The following RASSF8 variants were observed in gnomAD, a reference collection of about 807,000 sequenced individuals.
RASSF8 encodes the protein Ras association domain family member 8.
A neutral mutation model predicts 48.5 loss-of-function variants in RASSF8; 22 were observed. The ratio of observed to expected loss-of-function variants is 0.45; its 90% CI spans 0.32 to 0.65. The LOEUF (loss-of-function observed/expected upper bound fraction) is 0.65. Among genes scored for constraint, RASSF8 ranks in the 30% least tolerant of loss-of-function variants. RASSF8 has a pLI of 0.03. For synonymous variants in RASSF8, 127 were observed against 171.5 expected (o/e 0.74, Z 2.03); for missense variants, 418 against 489.2 (o/e 0.85, Z 1.37).
chr12:25,996,446 G>T (rs2136964404), intron 2 of RASSF8, among the ~76,000 whole-genome samples: 1 of 152,236 alleles, frequency 6.6e-6, no homozygotes, highest in Non-Finnish European at 1.5e-5. Context: ...TATACCAAGA[G>T]GAACTGTGGT....
At chr12:25,984,152 T>C (rs1467688718) in intron 1 of RASSF8, among the ~76,000 whole-genome samples, 1 of 151,728 alleles carries the variant, frequency 6.6e-6, no homozygotes, top group East Asian at 1.9e-4. Flanking sequence ...CCTCTAACTC[T>C]TGGACTCGAG....
intron 2 of RASSF8, among the ~76,000 whole-genome samples, chr12:26,035,098 AGTAAG>A (rs1238625994): frequency 6.6e-6 from 1 of 152,070 alleles, no homozygotes; most frequent in Non-Finnish European, 1.5e-5. Flanking sequence ...AATCCCTAGA[AGTAAG>A]GTTAGTTAAT....
intron 2 of RASSF8, among the ~76,000 whole-genome samples, chr12:26,016,308 T>C (rs960165424): frequency 1.3e-5 from 2 of 152,138 alleles, no homozygotes; most frequent in Admixed American, 6.6e-5. Flanking sequence ...CCAGTGCTTT[T>C]GCTTTGCTGT....
chr12:26,002,558 G>C (rs1533244), intron 2 of RASSF8, among the ~76,000 whole-genome samples: 1 of 152,040 alleles, frequency 6.6e-6, no homozygotes, highest in African/African-American at 2.4e-5. Context: ...GGCAGATCAC[G>C]AGGTCAGGAG....
intron 2 of RASSF8, among the ~76,000 whole-genome samples, chr12:26,036,639 G>C (rs1943157034): frequency 6.6e-6 from 1 of 152,008 alleles, no homozygotes; most frequent in African/African-American, 2.4e-5. Context: ...CGAGCGCAGT[G>C]GCTCACGCCT....
At chr12:26,068,354 C>T (rs1943925899) in intron 5 of RASSF8, among the ~76,000 whole-genome samples, 1 of 151,978 alleles carries the variant, frequency 6.6e-6, no homozygotes, top group Non-Finnish European at 1.5e-5. Context: ...GTTCCTTATG[C>T]CCCCCTTTTC....
Position 26,055,264 on chromosome 12 carries a change from T to TC in RASSF8, c.-78dup, listed in dbSNP as rs531316280. ...ACTACACAGACTTAGTCTTCTCCAC[T>TC]CCGTGTTCCTGCAGCTAGAGACATG... On this transcript the variant is annotated 5_prime_UTR_variant, in exon 3 of 6. Coordinates refer to ENST00000689635, the MANE Select transcript of RASSF8 (RefSeq NM_001394098.1). The TC allele has an allele frequency of 4.9e-5, 56 of 1,147,388 alleles. No individual in the cohort carries two copies. Among genetic ancestry groups the TC allele is most frequent in the Middle Eastern group, 4.0e-4 (2 of 5,054 alleles). The allele number at this position is 1,147,388 out of a possible 1,614,324, so 71.1% of individuals were successfully genotyped here. A position where few individuals can be genotyped will look rare whatever the true frequency, so the allele number is the denominator to read the frequency against.
intron 2 of RASSF8, among the ~76,000 whole-genome samples, chr12:26,046,962 G>A (rs893581750): frequency 3.9e-5 from 6 of 152,170 alleles, no homozygotes; most frequent in African/African-American, 1.4e-4. Context: ...AGCACATGTA[G>A]TAGAAAGCAT....
At chr12:26,048,578 G>A (rs1943422523) in intron 2 of RASSF8, among the ~76,000 whole-genome samples, 1 of 152,136 alleles carries the variant, frequency 6.6e-6, no homozygotes, top group Non-Finnish European at 1.5e-5. Context: ...CCCTGACCAA[G>A]ACTGAATTGT....
At chr12:25,971,646 T>A (rs1941488519) in intron 1 of RASSF8, among the ~76,000 whole-genome samples, 1 of 152,274 alleles carries the variant, frequency 6.6e-6, no homozygotes, top group Admixed American at 6.5e-5. Flanking sequence ...TTTCTTTTTG[T>A]TTCTGTTATG....
At chr12:25,992,923 CA>C (rs1158525288) in intron 1 of RASSF8, among the ~76,000 whole-genome samples, 1 of 152,180 alleles carries the variant, frequency 6.6e-6, no homozygotes, top group Non-Finnish European at 1.5e-5. Context: ...TGGAGACTTT[CA>C]AAAGCAGTAG....
At chr12:25,976,707 T>G (rs1206922810) in intron 1 of RASSF8, among the ~76,000 whole-genome samples, 1 of 152,210 alleles carries the variant, frequency 6.6e-6, no homozygotes, top group Non-Finnish European at 1.5e-5. Flanking sequence ...TCTTTTGTGC[T>G]TTATTCTTTC....
chr12:26,013,075 G>A (rs971200152), intron 2 of RASSF8, among the ~76,000 whole-genome samples: 3 of 152,070 alleles, frequency 2.0e-5, no homozygotes, highest in Admixed American at 6.6e-5. Flanking sequence ...ATATCTCCCG[G>A]AGCTAAAAAC....
intron 3 of RASSF8, among the ~76,000 whole-genome samples, chr12:26,061,231 C>A (rs1173129634): frequency 6.6e-6 from 1 of 151,976 alleles, no homozygotes; most frequent in African/African-American, 2.4e-5. Flanking sequence ...TTCTGAGTGA[C>A]CCTTGTTTGA....
rs571130332 is a variant in RASSF8, at chr12:26,037,167, C to T, written c.-108-18069C>T. ...TTGCTTGACAGTGCTGTACCCAGGG[C>T]GGGGCAGTAGGAAGAGGCAGGGTGG... On this transcript the variant is annotated intron_variant, in intron 2 of 5. Coordinates refer to ENST00000689635, the MANE Select transcript of RASSF8 (RefSeq NM_001394098.1). Among the ~76,000 whole-genome samples, 78 of 152,176 alleles carry T rather than the reference C, an allele frequency of 5.1e-4. No individual in the cohort carries two copies. In the South Asian group the frequency reaches 0.014, roughly 27 times the overall value.
At chr12:26,027,337 T>C (rs1452909466) in intron 2 of RASSF8, among the ~76,000 whole-genome samples, 4 of 152,232 alleles carry the variant, frequency 2.6e-5, no homozygotes, top group Admixed American at 6.5e-5. Context: ...TTGTATGGCA[T>C]GTTAATGATA....
intron 2 of RASSF8, among the ~76,000 whole-genome samples, chr12:26,022,997 C>T (rs1031928766): frequency 6.6e-6 from 1 of 152,260 alleles, no homozygotes; most frequent in African/African-American, 2.4e-5. Flanking sequence ...TCACCCACCT[C>T]GGCCTCCCAA....
chr12:25,986,926 T>TTGTTTG (rs1555160454), intron 1 of RASSF8, among the ~76,000 whole-genome samples: 25 of 146,700 alleles, frequency 1.7e-4, no homozygotes, highest in Admixed American at 2.7e-4. Context: ...CGTTTTTTTT[T>TTGTTTG]TTTGTTTGTT....
Position 26,070,011 on chromosome 12 carries a change from C to T in RASSF8, c.*1193C>T. 4 of 978,172 alleles carry T rather than the reference C, an allele frequency of 4.1e-6. No individual in the cohort carries two copies. Among genetic ancestry groups the T allele is most frequent in the Non-Finnish European group, 4.9e-6 (4 of 823,334 alleles). The allele number at this position is 978,172 out of a possible 1,614,324, so 60.6% of individuals were successfully genotyped here. ...ATTTGTAAAACCAAATATGACTCAA[C>T]ACCTTTTTGATGAGTAGTGACTTAA... On this transcript the variant is annotated 3_prime_UTR_variant, in exon 6 of 6. Coordinates refer to ENST00000689635, the MANE Select transcript of RASSF8 (RefSeq NM_001394098.1).
Sources: gnomAD v4.1 joint callset for allele counts (sites outside exome capture counted in the v4.1 genomes callset) on GRCh38, gnomAD v4.1.1 for gene constraint, MANE v1.5 for transcripts, NCBI Gene and HGNC (gene_info 2026-07-23, HGNC 2026-07-21) for gene names.